The following LSAMP variants were observed in gnomAD, a reference collection of about 807,000 sequenced individuals.
LSAMP encodes limbic system-associated membrane protein.
LSAMP carries 7 observed loss-of-function variants against 38.6 expected under a neutral mutation model. That is an observed-to-expected ratio of 0.18 (90% CI 0.10 to 0.34). The LOEUF (loss-of-function observed/expected upper bound fraction) is 0.34. LSAMP is among the 10% of genes least tolerant of loss of function. The probability of loss-of-function intolerance (pLI) is 1.00; values close to 1 mark genes in which losing one functional copy is unlikely to be tolerated. For missense variants in LSAMP, 313 were observed against 420.0 expected (o/e 0.75, Z 2.23); for synonymous variants, 154 against 166.8 (o/e 0.92, Z 0.59).
chr3:115,949,804 G>C (rs1243296104), intron 3 of LSAMP, among the ~76,000 whole-genome samples: 1 of 151,426 alleles, frequency 6.6e-6, no homozygotes, highest in Non-Finnish European at 1.5e-5. Flanking sequence ...GAAAACTACA[G>C]ATCAGTATCG....
At chr3:116,312,242 A>G (rs1279900406) in intron 1 of LSAMP, among the ~76,000 whole-genome samples, 1 of 152,182 alleles carries the variant, frequency 6.6e-6, no homozygotes, top group Non-Finnish European at 1.5e-5. Context: ...TGATCACAAA[A>G]GGTGTTTATA....
At chr3:115,868,245 C>G (rs931071933) in intron 3 of LSAMP, among the ~76,000 whole-genome samples, 1 of 152,000 alleles carries the variant, frequency 6.6e-6, no homozygotes, top group Non-Finnish European at 1.5e-5. Context: ...GTGCTGGCTA[C>G]GTATTAAACT....
At chr3:116,145,241 C>A (rs1709464316) in intron 1 of LSAMP, among the ~76,000 whole-genome samples, 1 of 151,540 alleles carries the variant, frequency 6.6e-6, no homozygotes, top group South Asian at 2.1e-4. Flanking sequence ...AAAATTCTAT[C>A]AGGCCATTTT....
chr3:116,040,289 G>A (rs543188636), intron 2 of LSAMP, among the ~76,000 whole-genome samples: 1 of 152,268 alleles, frequency 6.6e-6, no homozygotes, highest in Admixed American at 6.5e-5. Flanking sequence ...CAGGTCAAGG[G>A]AGAAGAATTC....
At chr3:115,928,166 T>G (rs1252837632) in intron 3 of LSAMP, among the ~76,000 whole-genome samples, 1 of 152,202 alleles carries the variant, frequency 6.6e-6, no homozygotes, top group Non-Finnish European at 1.5e-5. Context: ...AAGAAATTCA[T>G]TAAATAACAC....
chr3:115,873,156 G>A (rs1936091555), intron 3 of LSAMP, among the ~76,000 whole-genome samples: 1 of 152,038 alleles, frequency 6.6e-6, no homozygotes, highest in Non-Finnish European at 1.5e-5. Context: ...GATCATCTGA[G>A]GTCAGGAGTT....
intron 1 of LSAMP, among the ~76,000 whole-genome samples, chr3:116,114,399 A>G (rs1434219225): frequency 6.6e-6 from 1 of 152,218 alleles, no homozygotes; most frequent in African/African-American, 2.4e-5. Context: ...GGAAGGAAGA[A>G]GAAAGAAAGG....
intron 1 of LSAMP, among the ~76,000 whole-genome samples, chr3:116,108,530 G>A (rs376155477): frequency 6.6e-6 from 1 of 152,252 alleles, no homozygotes; most frequent in Admixed American, 6.5e-5. Context: ...CCTGAAGCTC[G>A]GCGTCCGTGA....
rs188144381 is a variant in LSAMP, at chr3:116,016,277, A to G, written c.514+3238T>C. ...TCTCTCTCCTGTCACCAGGAATATG[A>G]TTATGATCAGTTGGTTATTTAGGTC... On this transcript the variant is annotated intron_variant, in intron 3 of 6. Coordinates refer to ENST00000490035, the MANE Select transcript of LSAMP (RefSeq NM_002338.5). Among the ~76,000 whole-genome samples the G allele has an allele frequency of 3.8e-3, 580 of 152,294 alleles. 3 individuals are homozygous for G. The highest frequency in any genetic ancestry group is 0.013 in the African/African-American group (546 of 41,570).
intron 1 of LSAMP, among the ~76,000 whole-genome samples, chr3:116,349,193 G>T (rs1026213027): frequency 6.6e-6 from 1 of 151,926 alleles, no homozygotes; most frequent in African/African-American, 2.4e-5. Context: ...TTATGCTTTA[G>T]AAATAAAAGC....
At chr3:116,194,333 G>A (rs1465317589) in intron 1 of LSAMP, among the ~76,000 whole-genome samples, 1 of 152,092 alleles carries the variant, frequency 6.6e-6, no homozygotes, top group Non-Finnish European at 1.5e-5. Context: ...TTTCTCCCGT[G>A]GATCCCAAAG....
chr3:115,978,579 G>A (rs535234258), intron 3 of LSAMP, among the ~76,000 whole-genome samples: 1 of 151,842 alleles, frequency 6.6e-6, no homozygotes, highest in African/African-American at 2.4e-5. Flanking sequence ...CAGAAATGCA[G>A]TATTATTAGC....
At position 116,179,614 on chromosome 3, in the gene LSAMP, C is replaced by T. The variant is rs370892127; in HGVS notation, c.156-93058G>A. Among the ~76,000 whole-genome samples the T allele has an allele frequency of 4.6e-5, 7 of 152,052 alleles. No individual in the cohort carries two copies. The East Asian group carries it at 9.7e-4, about 21-fold the overall frequency. ...GGGAAGCAGGCATGTCTTACATGGC[C>T]GGAGCAGGAGGAAGAGAGTGAAGGG... On this transcript the variant is annotated intron_variant, in intron 1 of 6. Transcript: ENST00000490035.
intron 1 of LSAMP, among the ~76,000 whole-genome samples, chr3:116,157,518 C>A (rs1709781683): frequency 6.6e-6 from 1 of 151,760 alleles, no homozygotes; most frequent in Non-Finnish European, 1.5e-5. Flanking sequence ...CATTATGACT[C>A]CAAAATACAT....
chr3:115,915,050 C>T (rs1389014729), intron 3 of LSAMP, among the ~76,000 whole-genome samples: 1 of 152,212 alleles, frequency 6.6e-6, no homozygotes, highest in Non-Finnish European at 1.5e-5. Context: ...AGGCTGGCAT[C>T]TTGCTGCGAT....
intron 1 of LSAMP, among the ~76,000 whole-genome samples, chr3:116,302,405 C>T (rs1416959551): frequency 6.6e-6 from 1 of 151,992 alleles, no homozygotes; most frequent in Non-Finnish European, 1.5e-5. Flanking sequence ...GTTGTTTTTC[C>T]AACAGTTACT....
At chr3:115,824,814 G>A (rs1295317018) in intron 6 of LSAMP, among the ~76,000 whole-genome samples, 1 of 150,834 alleles carries the variant, frequency 6.6e-6, no homozygotes, top group Non-Finnish European at 1.5e-5. Flanking sequence ...TCATATTTGT[G>A]TTTAAAAACA....
At chr3:115,939,213 C>T (rs912059461) in intron 3 of LSAMP, among the ~76,000 whole-genome samples, 4 of 152,008 alleles carry the variant, frequency 2.6e-5, no homozygotes, top group African/African-American at 9.7e-5. Flanking sequence ...TGTAATTTTT[C>T]ACTGAAGCTC....
At chr3:115,873,877 A>G (rs917774703) in intron 3 of LSAMP, among the ~76,000 whole-genome samples, 3 of 151,976 alleles carry the variant, frequency 2.0e-5, no homozygotes, top group Admixed American at 2.0e-4. Flanking sequence ...CTTGCTTCCC[A>G]TTTGTTCCCT....
Sources: gnomAD v4.1 joint callset for allele counts (sites outside exome capture counted in the v4.1 genomes callset) on GRCh38, gnomAD v4.1.1 for gene constraint, MANE v1.5 for transcripts, NCBI Gene and HGNC (gene_info 2026-07-23, HGNC 2026-07-21) for gene names.